Variants in EP400 observed in about 807,000 individuals in gnomAD.
EP400 encodes E1A-binding protein p400.
A neutral mutation model predicts 354.1 loss-of-function variants in EP400; 105 were observed. The observed-to-expected ratio is 0.30, with a 90% CI of 0.25 to 0.35. EP400 has a LOEUF of 0.35. Ranked by LOEUF, EP400 falls within the 10% of genes least tolerant of loss-of-function variation. The probability of loss-of-function intolerance (pLI) is 1.00; values close to 1 mark genes in which losing one functional copy is unlikely to be tolerated. For missense variants in EP400, 3,280 were observed against 4,121.0 expected, an observed-to-expected ratio of 0.80 and a Z score of 5.59; for synonymous variants, 1,646 against 1,716.9, an observed-to-expected ratio of 0.96 and a Z score of 1.02.
chr12:132,063,579 C>T (rs1445058939), intron 47 of EP400, among the ~76,000 whole-genome samples: 1 of 152,124 alleles, frequency 6.6e-6, no homozygotes, highest in Non-Finnish European at 1.5e-5. Flanking sequence ...TAACCAGAGA[C>T]ACATACGGAA....
chr12:132,005,284 A>G, intron 13 of EP400, 100 bp downstream of exon 13: 1 of 767,994 alleles, frequency 1.3e-6, no homozygotes, highest in Non-Finnish European at 1.9e-6. Flanking sequence ...TTAGTTTGAT[A>G]AAATAAAAAA....
At chr12:132,005,668 G>T (rs1893555755) in intron 13 of EP400, among the ~76,000 whole-genome samples, 1 of 152,174 alleles carries the variant, frequency 6.6e-6, no homozygotes, top group African/African-American at 2.4e-5. Flanking sequence ...GGCCTTACCA[G>T]ACCCCACGCT....
Position 132,067,508 on chromosome 12 carries a change from C to T in EP400, c.8874+22C>T. ...GAAGGTACCGGGGCTAGGGGATTCT[C>T]ACTTCTGGGTCTATGCCAAGCCAAA... On this transcript the variant is annotated intron_variant, in intron 50 of 52. Coordinates refer to ENST00000389561, the MANE Select transcript of EP400 (RefSeq NM_015409.5). The surrounding 1 kb of genome is among the most constrained non-coding windows in gnomAD (Gnocchi z 5.3). 6.2e-7 allele frequency: 1 copy of T among 1,608,062 alleles called. No homozygotes were observed. Among genetic ancestry groups the T allele is most frequent in the Non-Finnish European group, 8.5e-7 (1 of 1,179,030 alleles).
rs749982667 is a variant in EP400, at chr12:132,006,834, A to T, written c.3261A>T (p.Thr1087=). ...ILADEAGLGK[T]VQIIAFFAHL... is the part of the protein sequence containing the mutation. Reference sequence around the variant, plus strand: ...CAGATGAAGCTGGGCTGGGTAAAACAGTGCAGATCATTGCTTTTTTTGCCC... The same window carrying T: ...CAGATGAAGCTGGGCTGGGTAAAACTGTGCAGATCATTGCTTTTTTTGCCC... Residue 1087 remains threonine (T), a synonymous_variant, in exon 15 of 53, where the codon ACA becomes ACT. Transcript: ENST00000389561. 7.4e-6 allele frequency: 12 copies of T among 1,613,458 alleles called. No individual in the cohort carries two copies. Among genetic ancestry groups the T allele is most frequent in the Non-Finnish European group, 1.0e-5 (12 of 1,179,890 alleles).
At chr12:131,976,663 T>A (rs1251243628) in intron 2 of EP400, among the ~76,000 whole-genome samples, 1 of 152,030 alleles carries the variant, frequency 6.6e-6, no homozygotes, top group Non-Finnish European at 1.5e-5. Context: ...TGAGGCGAGA[T>A]CGTACCATTG....
At chr12:132,019,563 C>T (rs560626195) in intron 21 of EP400, among the ~76,000 whole-genome samples, 34 of 152,080 alleles carry the variant, frequency 2.2e-4, no homozygotes, top group African/African-American at 7.5e-4. Context: ...CAAATCCAGG[C>T]GTGGTGGTGC....
At chr12:132,055,075 C>A (rs1470805137) in intron 44 of EP400, 24 bp from the exon 45 acceptor site, 20 of 1,613,698 alleles carry the variant, frequency 1.2e-5, no homozygotes, top group Non-Finnish European at 1.5e-5. Flanking sequence ...GGCGCTGTTG[C>A]CTTATGCCCG....
chr12:132,045,905 G>A lies in EP400; in HGVS notation c.7200+5G>A. 1 of 1,614,106 alleles carries A rather than the reference G, an allele frequency of 6.2e-7. No homozygotes were observed. Among genetic ancestry groups the A allele is most frequent in the Non-Finnish European group, 8.5e-7 (1 of 1,179,964 alleles). On this transcript the variant is annotated splice_donor_5th_base_variant and intron_variant, in intron 39 of 52. Transcript: ENST00000389561. ...ATTCCACGAGAGGAGGGGAAGGTAA[G>A]CACGGTCTCGTTTGTCCTTCGAGGA...
chr12:131,973,259 G>C (rs560174152), intron 2 of EP400, among the ~76,000 whole-genome samples: 4 of 152,310 alleles, frequency 2.6e-5, no homozygotes, highest in African/African-American at 9.6e-5. Flanking sequence ...TGACACTAGT[G>C]AATCAGGAGA....
In EP400 at chr12:131,982,117, C is replaced by CCGCGCAGCT; in HGVS notation, c.1572_1580dup (p.Gln525_Ala527dup). On this transcript the variant is annotated inframe_insertion, in exon 5 of 53. Coordinates refer to ENST00000389561, the MANE Select transcript of EP400 (RefSeq NM_015409.5). ...GGAGGAATGCCCCCCACGCCGCAGG[C>CCGCGCAGCT]CGCGCAGCTCGCTGGACAGAGGCAG... The CCGCGCAGCT allele has an allele frequency of 6.5e-7, 1 of 1,537,684 alleles. No homozygotes were observed. Among genetic ancestry groups the CCGCGCAGCT allele is most frequent in the Non-Finnish European group, 8.8e-7 (1 of 1,142,302 alleles).
intron 12 of EP400, among the ~76,000 whole-genome samples, chr12:131,995,595 G>T (rs1893182315): frequency 1.3e-5 from 2 of 149,604 alleles, no homozygotes; most frequent in South Asian, 4.3e-4. Context: ...TTCATCCTGA[G>T]TGTGTGAGAA....
chr12:131,959,354 C>T (rs1157207546), intron 1 of EP400, among the ~76,000 whole-genome samples: 2 of 152,172 alleles, frequency 1.3e-5, no homozygotes, highest in Admixed American at 6.5e-5. Context: ...GGAGAAAGAG[C>T]GACCACAGTG....
chr12:132,069,700 T>C (rs1302042909), intron 51 of EP400, 59 bp downstream of exon 51: 2 of 1,598,934 alleles, frequency 1.3e-6, no homozygotes. Flanking sequence ...GCCTTTGGAT[T>C]GTGTGTCTCG....
chr12:131,960,707 G>GTCCCCCCCC lies in EP400; in HGVS notation c.88_89insTCCCCCCCC (p.Ala30delinsValProProPro). 1.9e-6 allele frequency: 3 copies of GTCCCCCCCC among 1,545,590 alleles called. No individual in the cohort carries two copies. Among genetic ancestry groups the GTCCCCCCCC allele is most frequent in the South Asian group, 2.4e-5 (2 of 83,348 alleles). On this transcript the variant is annotated protein_altering_variant, in exon 2 of 53. Transcript: ENST00000389561. ...TGGCAGCGAGGGTGAGGAGCAGCCGGCCCACCCCAACCCACCCCCGTCCCC... is the reference window on the plus strand; with the variant it reads ...TGGCAGCGAGGGTGAGGAGCAGCCGGTCCCCCCCCCCCACCCCAACCCACCCCCGTCCCC...
rs1894029148 is a variant in EP400 at position 132,018,860 on chromosome 12, A to G, written c.4277+484A>G. On this transcript the variant is annotated intron_variant, in intron 21 of 52. Coordinates refer to ENST00000389561, the MANE Select transcript of EP400 (RefSeq NM_015409.5). This position sits in a 1 kb window ranked among gnomAD's most constrained non-coding sequence, Gnocchi z 4.0. ...ACGAGATATAAATGACTCATAGTCTAAATCTAGCAATTGGAAATATCCAAA... is the reference window on the plus strand; with the variant it reads ...ACGAGATATAAATGACTCATAGTCTGAATCTAGCAATTGGAAATATCCAAA... 6.6e-6 allele frequency among the ~76,000 whole-genome samples: 1 copy of G among 152,250 alleles called. No homozygotes were observed. The highest frequency in any genetic ancestry group is 2.4e-5 in the African/African-American group (1 of 41,474).
At chr12:132,016,368 T>C (rs1893934209) in intron 19 of EP400, among the ~76,000 whole-genome samples, 1 of 151,924 alleles carries the variant, frequency 6.6e-6, no homozygotes, top group Non-Finnish European at 1.5e-5. Flanking sequence ...TTTTTTTTTC[T>C]TTTTTTTCCT....
chr12:131,954,224 T>C (rs1455098054), intron 1 of EP400, among the ~76,000 whole-genome samples: 1 of 150,352 alleles, frequency 6.7e-6, no homozygotes. Flanking sequence ...TGTCTTAAAA[T>C]TAAAAAAAAA....
At position 132,069,540 on chromosome 12, in the gene EP400, G is replaced by A. The variant is rs767781587; in HGVS notation, c.8920G>A (p.Ala2974Thr). Residue 2974 changes from alanine (A) to threonine (T), a missense_variant, in exon 51 of 53, where the codon GCC becomes ACC. By Grantham distance (58) the Ala-to-Thr change is moderately conservative (BLOSUM62 0). Around this residue, in one of 20 missense-constraint regions of EP400, gnomAD observed 279 missense variants for 386.7 expected, o/e 0.72. Transcript: ENST00000389561. ...ITTPGAQQKV[A>T]YAAQPALKTQ... Reference sequence around the variant, plus strand: ...CACCCCTGGCGCGCAGCAGAAGGTTGCCTACGCCGCGCAGCCGGCCCTTAA... The same window carrying A: ...CACCCCTGGCGCGCAGCAGAAGGTTACCTACGCCGCGCAGCCGGCCCTTAA... 52 of 1,614,108 alleles carry A rather than the reference G, an allele frequency of 3.2e-5. 1 individual carries two copies. In the South Asian group the frequency reaches 5.7e-4, roughly 18 times the overall value.
In EP400 at chr12:132,013,884, C is replaced by T; in HGVS notation, c.3894C>T (p.Ala1298=). The change falls in exon 19 of 53, where the codon GCC becomes GCT. Residue 1298 remains alanine (A), a synonymous_variant. Coordinates refer to ENST00000389561, the MANE Select transcript of EP400 (RefSeq NM_015409.5). The surrounding 1 kb of genome is among the most constrained non-coding windows in gnomAD (Gnocchi z 4.5). ...GTCGCCTTTCTAACCGACAAAAAGCCTTATACGAGGACGTTATCCTGCAAC... is the reference window on the plus strand; with the variant it reads ...GTCGCCTTTCTAACCGACAAAAAGCTTTATACGAGGACGTTATCCTGCAAC... The part of the protein sequence containing the change: ...LKCRLSNRQK[A]LYEDVILQPG... 1 of 1,614,228 alleles carries T rather than the reference C, an allele frequency of 6.2e-7. No individual in the cohort carries two copies. The highest frequency in any genetic ancestry group is 1.1e-5 in the South Asian group (1 of 91,082).
Sources: allele counts gnomAD v4.1 joint callset (sites outside exome capture counted in the v4.1 genomes callset), GRCh38; gene constraint gnomAD v4.1.1; regional missense constraint gnomAD v4.1.1; non-coding constraint Gnocchi (gnomAD v3.1); transcripts MANE v1.5; gene names NCBI Gene and HGNC (gene_info 2026-07-23, HGNC 2026-07-21).